The following MAP3K7 variants were observed in gnomAD, a reference collection of about 807,000 sequenced individuals.
MAP3K7 encodes TGF-beta activated kinase 1.
MAP3K7 carries 21 observed loss-of-function variants against 84.8 expected under a neutral mutation model. The ratio of observed to expected loss-of-function variants is 0.25; its 90% CI spans 0.18 to 0.36. MAP3K7 has a LOEUF of 0.36. Among genes scored for constraint, MAP3K7 ranks in the 10% least tolerant of loss-of-function variants. The probability of loss-of-function intolerance (pLI) is 1.00; values close to 1 mark genes in which losing one functional copy is unlikely to be tolerated. For synonymous variants in MAP3K7, 241 were observed against 247.7 expected, an observed-to-expected ratio of 0.97 and a Z score of 0.25; for missense variants, 503 against 747.7, an observed-to-expected ratio of 0.67 and a Z score of 3.82.
At chr6:90,541,274 C>T (rs542822825) in intron 12 of MAP3K7, among the ~76,000 whole-genome samples, 1 of 151,916 alleles carries the variant, frequency 6.6e-6, no homozygotes, top group Non-Finnish European at 1.5e-5. Context: ...TTTCTTTTCT[C>T]GAAGTCCCTT....
Position 90,544,576 on chromosome 6 carries a change from C to G in MAP3K7, c.1267G>C (p.Asp423His), listed in dbSNP as rs891888303. Reference sequence around the variant, plus strand: ...CCTGATATGACGATCTCAGGGACATCCAGAATGTTGCCAAATGAAGCAGTT... The same window carrying G: ...CCTGATATGACGATCTCAGGGACATGCAGAATGTTGCCAAATGAAGCAGTT... ...RKTASFGNIL[D>H]VPEIVISGNG... Residue 423 changes from aspartate to histidine, a missense_variant, in exon 12 of 17, where the codon GAT becomes CAT. Transcript: ENST00000369329. 1 of 1,612,356 alleles carries G rather than the reference C, an allele frequency of 6.2e-7. No homozygotes were observed. Among genetic ancestry groups the G allele is most frequent in the Non-Finnish European group, 8.5e-7 (1 of 1,178,918 alleles).
intron 1 of MAP3K7, 122 bp downstream of exon 1, chr6:90,586,642 G>A: frequency 7.4e-7 from 1 of 1,342,444 alleles, no homozygotes. Flanking sequence ...GGGTCTCCCG[G>A]GTGGACCCCG....
chr6:90,567,854 A>C (rs1225556825), intron 3 of MAP3K7, among the ~76,000 whole-genome samples: 2 of 152,254 alleles, frequency 1.3e-5, no homozygotes, highest in East Asian at 3.8e-4. Flanking sequence ...AAATTGTGGC[A>C]CATATACACC....
rs571856439 is a variant in MAP3K7 at position 90,516,047 on chromosome 6, C to T, written c.*454G>A. On this transcript the variant is annotated 3_prime_UTR_variant, in exon 17 of 17. Coordinates refer to ENST00000369329, the MANE Select transcript of MAP3K7 (RefSeq NM_145331.3). ...TCACTCTAAATTTATAATACCCTGT[C>T]TTTAACTTGGTATATACCATCTTTT... The T allele has an allele frequency of 5.8e-6, 1 of 173,832 alleles. No homozygotes were observed. Among genetic ancestry groups the T allele is most frequent in the East Asian group, 1.8e-4 (1 of 5,498 alleles). The allele number at this position is 173,832 out of a possible 1,614,324, so 10.8% of individuals were successfully genotyped here.
At chr6:90,560,624 T>C (rs539856544) in intron 4 of MAP3K7, among the ~76,000 whole-genome samples, 2 of 152,324 alleles carry the variant, frequency 1.3e-5, no homozygotes, top group South Asian at 4.1e-4. Flanking sequence ...CCTCCCAAAG[T>C]GCTGGGATTA....
intron 14 of MAP3K7, among the ~76,000 whole-genome samples, chr6:90,523,076 A>T (rs1321205988): frequency 6.6e-6 from 1 of 152,168 alleles, no homozygotes; most frequent in Non-Finnish European, 1.5e-5. Flanking sequence ...ACCTTTAGGC[A>T]GGTAGACATT....
chr6:90,540,269 G>A (rs1237194427), intron 12 of MAP3K7, among the ~76,000 whole-genome samples: 1 of 151,734 alleles, frequency 6.6e-6, no homozygotes, highest in Non-Finnish European at 1.5e-5. Flanking sequence ...ATTATTTTAG[G>A]CTTAGAAATA....
rs1774961665 is a variant in MAP3K7, at chr6:90,516,367, T to C, written c.*134A>G. 1.2e-6 allele frequency: 1 copy of C among 822,410 alleles called. No individual in the cohort carries two copies. Among genetic ancestry groups the C allele is most frequent in the Admixed American group, 2.7e-5 (1 of 37,382 alleles). The allele number at this position is 822,410 out of a possible 1,614,324, so 50.9% of individuals were successfully genotyped here. On this transcript the variant is annotated 3_prime_UTR_variant, in exon 17 of 17. Coordinates refer to ENST00000369329, the MANE Select transcript of MAP3K7 (RefSeq NM_145331.3). ...AAAGGAAAATAAACAATGAAAAAAA[T>C]GCAGCAAATATAGGCAGTTGGCATT... is the stretch of plus-strand genomic sequence containing the variant.
intron 13 of MAP3K7, among the ~76,000 whole-genome samples, chr6:90,533,660 C>T (rs1014857437): frequency 1.3e-5 from 2 of 152,104 alleles, no homozygotes; most frequent in Admixed American, 6.6e-5. Context: ...GAAAACATTC[C>T]GAAGTAGTCT....
intron 4 of MAP3K7, among the ~76,000 whole-genome samples, chr6:90,560,787 AC>A (rs1262652169): frequency 4.6e-4 from 70 of 152,330 alleles, no homozygotes; most frequent in African/African-American, 1.6e-3. Context: ...AAATCAATAT[AC>A]ATTACCACAT....
At chr6:90,536,188 C>T in intron 13 of MAP3K7, 149 bp downstream of exon 13, 2 of 536,636 alleles carry the variant, frequency 3.7e-6, no homozygotes, top group African/African-American at 1.9e-5. Context: ...TGTTTTTTTC[C>T]CCCCTAAGTA....
chr6:90,532,094 G>C (rs1775526890), intron 13 of MAP3K7, among the ~76,000 whole-genome samples: 1 of 152,132 alleles, frequency 6.6e-6, no homozygotes, highest in Admixed American at 6.5e-5. Flanking sequence ...AGGAGGTGCA[G>C]AATGAAGATG....
At chr6:90,568,144 C>T (rs2127983245) in intron 3 of MAP3K7, among the ~76,000 whole-genome samples, 1 of 152,204 alleles carries the variant, frequency 6.6e-6, no homozygotes, top group Admixed American at 6.5e-5. Flanking sequence ...AGCACACCAA[C>T]ATGGCAAATG....
At chr6:90,560,440 T>A (rs548118439) in intron 4 of MAP3K7, among the ~76,000 whole-genome samples, 1 of 152,142 alleles carries the variant, frequency 6.6e-6, no homozygotes. Context: ...TGGCTCACTG[T>A]AAACTCCACC....
Position 90,586,898 on chromosome 6 carries a change from C to T in MAP3K7, c.-15G>A. On this transcript the variant is annotated 5_prime_UTR_variant, in exon 1 of 17. Coordinates refer to ENST00000369329, the MANE Select transcript of MAP3K7 (RefSeq NM_145331.3). ...GCTGTAGACATGATCCCTCGCGGCG[C>T]CCGGTGGGGCCGGGAACGGTGCCAC... 6.3e-7 allele frequency: 1 copy of T among 1,599,970 alleles called. No homozygotes were observed. Among genetic ancestry groups the T allele is most frequent in the South Asian group, 1.1e-5 (1 of 90,410 alleles).
intron 14 of MAP3K7, among the ~76,000 whole-genome samples, chr6:90,521,765 G>C: frequency 6.6e-6 from 1 of 151,782 alleles, no homozygotes; most frequent in South Asian, 2.1e-4. Flanking sequence ...TCTCTCACTA[G>C]ATCCTCTCAG....
At chr6:90,530,043 T>G (rs2127960926) in intron 13 of MAP3K7, among the ~76,000 whole-genome samples, 1 of 152,336 alleles carries the variant, frequency 6.6e-6, no homozygotes, top group East Asian at 1.9e-4. Flanking sequence ...CTTTTACCCT[T>G]GACAAAGCAA....
rs754434330 is a variant in MAP3K7 at position 90,547,334 on chromosome 6, G to A, written c.1134C>T (p.Ser378=). 14 of 1,612,468 alleles carry A rather than the reference G, an allele frequency of 8.7e-6. No homozygotes were observed. Among genetic ancestry groups the A allele is most frequent in the African/African-American group, 8.0e-5 (6 of 74,810 alleles). The change falls in exon 11 of 17, where the codon AGC becomes AGT. Residue 378 remains serine (S), a synonymous_variant. Coordinates refer to ENST00000369329, the MANE Select transcript of MAP3K7 (RefSeq NM_145331.3). ...LGASRGSSVE[S]LPPTSEGKRM... is the part of the protein sequence containing the mutation. ...TCTTGCCCTCAGAGGTTGGGGGCAA[G>A]CTCTCCACACTGCTCCCACGGGAGG...
intron 16 of MAP3K7, among the ~76,000 whole-genome samples, chr6:90,517,032 T>A (rs1774989259): frequency 6.6e-6 from 1 of 151,850 alleles, no homozygotes; most frequent in African/African-American, 2.4e-5. Flanking sequence ...TATCATGAAG[T>A]TTTTATCCTT....
Sources: allele counts gnomAD v4.1 joint callset (sites outside exome capture counted in the v4.1 genomes callset), GRCh38; gene constraint gnomAD v4.1.1; transcripts MANE v1.5; gene names NCBI Gene and HGNC (gene_info 2026-07-23, HGNC 2026-07-21).